HOMER2: variants seen among roughly 807,000 people sequenced by gnomAD.
The protein encoded by HOMER2 is homer scaffold protein 2, also known as homer protein homolog 2.
A neutral mutation model predicts 47.0 loss-of-function variants in HOMER2; 27 were observed. That is an observed-to-expected ratio of 0.57 (90% CI 0.42 to 0.79). The LOEUF is 0.79. Ranked by LOEUF, HOMER2 falls within the 30% of genes least tolerant of loss-of-function variation. The probability of loss-of-function intolerance (pLI) is 0.00; values close to 1 mark genes in which losing one functional copy is unlikely to be tolerated. For missense variants in HOMER2, 443 were observed against 435.0 expected, an observed-to-expected ratio of 1.02 and a Z score of -0.16; for synonymous variants, 161 against 163.8, an observed-to-expected ratio of 0.98 and a Z score of 0.13.
chr15:82,882,883 T>TACTGAAACACA (rs1567033115), intron 2 of HOMER2, among the ~76,000 whole-genome samples: 1 of 61,666 alleles, frequency 1.6e-5, no homozygotes, highest in Admixed American at 1.7e-4. Context: ...AGCCACTGCT[T>TACTGAAACACA]TTTTTTTTTT....
At chr15:82,964,158 A>G (rs2054653455) in intron 1 of HOMER2, among the ~76,000 whole-genome samples, 1 of 152,232 alleles carries the variant, frequency 6.6e-6, no homozygotes, top group South Asian at 2.1e-4. Context: ...AGAGGAAGAC[A>G]CTGGACACCA....
downstream of HOMER2, chr15:82,844,995 G>C (rs2151587071): frequency 6.6e-6 from 1 of 152,238 alleles, no homozygotes; most frequent in East Asian, 1.9e-4. Context: ...GGGGTCTCTA[G>C]GGCCCAGGAG....
At chr15:82,981,343 T>C (rs916479186) in intron 1 of HOMER2, among the ~76,000 whole-genome samples, 23 of 152,240 alleles carry the variant, frequency 1.5e-4, no homozygotes, top group Non-Finnish European at 2.6e-4. Flanking sequence ...TTTCTGCTGG[T>C]GTGTTTTGCC....
chr15:82,847,897 G>C (rs956934816), downstream of HOMER2, among the ~76,000 whole-genome samples: 8 of 152,264 alleles, frequency 5.3e-5, no homozygotes, highest in African/African-American at 1.9e-4. Flanking sequence ...CCAGGAGGGA[G>C]CTGCTACCAA....
intron 1 of HOMER2, among the ~76,000 whole-genome samples, chr15:82,930,873 A>C (rs990329884): frequency 2.6e-5 from 4 of 152,092 alleles, no homozygotes; most frequent in Non-Finnish European, 5.9e-5. Context: ...TAAAAATACC[A>C]AAGTTAGTCG....
intron 1 of HOMER2, among the ~76,000 whole-genome samples, chr15:82,938,943 A>G (rs1409895184): frequency 6.6e-6 from 1 of 152,108 alleles, no homozygotes. Context: ...TCTCAGGCTC[A>G]TTCACCGGCT....
chr15:82,869,297 A>T (rs955741442), intron 3 of HOMER2, among the ~76,000 whole-genome samples: 6 of 152,056 alleles, frequency 3.9e-5, no homozygotes, highest in Non-Finnish European at 8.8e-5. Context: ...AGAACAAACC[A>T]CATAATCTTC....
chr15:82,904,463 G>A (rs2053228479), intron 1 of HOMER2, among the ~76,000 whole-genome samples: 1 of 152,302 alleles, frequency 6.6e-6, no homozygotes, highest in Non-Finnish European at 1.5e-5. Context: ...TTTTCACAGT[G>A]AGCATCAGAG....
At chr15:82,931,837 C>CA (rs1379274271) in intron 1 of HOMER2, among the ~76,000 whole-genome samples, 2 of 151,960 alleles carry the variant, frequency 1.3e-5, no homozygotes, top group East Asian at 1.9e-4. Flanking sequence ...GACTCCGTCT[C>CA]AAAAAACAAA....
At chr15:82,950,275 C>T (rs1416266770) in intron 1 of HOMER2, among the ~76,000 whole-genome samples, 3 of 152,164 alleles carry the variant, frequency 2.0e-5, no homozygotes, top group Non-Finnish European at 2.9e-5. Flanking sequence ...ACACTTAACA[C>T]AGAACACTTC....
chr15:82,978,025 C>T (rs552550477), intron 1 of HOMER2, among the ~76,000 whole-genome samples: 223 of 152,250 alleles, frequency 1.5e-3, no homozygotes, highest in Non-Finnish European at 2.5e-3. Context: ...AAGCAGGCAC[C>T]TGTAGTCTCA....
intron 1 of HOMER2, among the ~76,000 whole-genome samples, chr15:82,960,527 A>G (rs560981854): frequency 2.8e-4 from 43 of 152,360 alleles, no homozygotes; most frequent in African/African-American, 1.0e-3. Context: ...CCCCTTCAGC[A>G]TGATTTCACT....
exon 2 of HOMER2, chr15:82,843,640 ACCT>A (rs2151585669): frequency 6.6e-6 from 1 of 151,478 alleles, no homozygotes; most frequent in South Asian, 2.1e-4. Flanking sequence ...TATGAAATAA[ACCT>A]CTTAGAAATC....
chr15:82,869,450 C>CTTTTTTTTTTTTTTTTTTTTTT lies in HOMER2; in HGVS notation c.295-5213_295-5192dup. 2.8e-5 allele frequency among the ~76,000 whole-genome samples: 2 copies of CTTTTTTTTTTTTTTTTTTTTTT among 70,240 alleles called. 1 individual carries two copies. The highest frequency in any genetic ancestry group is 4.9e-5 in the Non-Finnish European group (2 of 40,812). The allele number at this position is 70,240 out of a possible 152,430, so 46.1% of individuals were successfully genotyped here. A position where few individuals can be genotyped will look rare whatever the true frequency, so the allele number is the denominator to read the frequency against. ...AATTATATGATTTTCTACTAAACAT[C>CTTTTTTTTTTTTTTTTTTTTTT]TTTTTTTTTTTTTTTTTTTTTTTTT... is the stretch of plus-strand genomic sequence containing the variant. On this transcript the variant is annotated intron_variant, in intron 3 of 8. Coordinates refer to ENST00000450735, the MANE Select transcript of HOMER2 (RefSeq NM_004839.4).
chr15:82,860,191 G>C (rs543901754), intron 4 of HOMER2, among the ~76,000 whole-genome samples: 4 of 152,104 alleles, frequency 2.6e-5, no homozygotes, highest in Non-Finnish European at 4.4e-5. Context: ...AGCTGAGATC[G>C]TGCCACTGCA....
At chr15:82,852,277 G>C in intron 6 of HOMER2, 25 bp from the exon 7 acceptor site, 1 of 1,533,350 alleles carries the variant, frequency 6.5e-7, no homozygotes, top group Non-Finnish European at 9.0e-7. Context: ...ACACAGGAAA[G>C]CAGGGACGCC....
At chr15:82,902,982 T>C (rs2053171264) in intron 1 of HOMER2, among the ~76,000 whole-genome samples, 1 of 152,240 alleles carries the variant, frequency 6.6e-6, no homozygotes, top group Non-Finnish European at 1.5e-5. Flanking sequence ...GTCTGTTATA[T>C]TTTATGATCG....
Position 82,911,996 on chromosome 15 carries a change from C to T in HOMER2, c.6-19155G>A, listed in dbSNP as rs188901337. Among the ~76,000 whole-genome samples the T allele has an allele frequency of 2.4e-3, 362 of 152,236 alleles. 3 individuals are homozygous for T. Among genetic ancestry groups the T allele is most frequent in the South Asian group, 6.4e-3 (31 of 4,812 alleles). On this transcript the variant is annotated intron_variant, in intron 1 of 8. Transcript: ENST00000450735. ...AGTGAGCCAAGATCGCACCACTGCACTCCAGCCTGGGCAACAGAGTGAAAC... is the reference window on the plus strand; with the variant it reads ...AGTGAGCCAAGATCGCACCACTGCATTCCAGCCTGGGCAACAGAGTGAAAC...
intron 1 of HOMER2, among the ~76,000 whole-genome samples, chr15:82,935,914 G>C (rs893663131): frequency 6.6e-6 from 1 of 152,172 alleles, no homozygotes; most frequent in Non-Finnish European, 1.5e-5. Flanking sequence ...GAGCAGAAGT[G>C]TGCTCTTCTT....
Sources: gnomAD v4.1 joint callset for allele counts (sites outside exome capture counted in the v4.1 genomes callset) on GRCh38, gnomAD v4.1.1 for gene constraint, MANE v1.5 for transcripts, NCBI Gene and HGNC (gene_info 2026-07-23, HGNC 2026-07-21) for gene names.